TTLL6: variants seen among roughly 807,000 people sequenced by gnomAD.
The protein encoded by TTLL6 is tubulin polyglutamylase TTLL6.
TTLL6 carries 75 observed loss-of-function variants against 96.4 expected under a neutral mutation model. The ratio of observed to expected loss-of-function variants is 0.78; its 90% confidence interval spans 0.65 to 0.94. The LOEUF is 0.94. Ranked by LOEUF, TTLL6 falls within the 40% of genes least tolerant of loss-of-function variation. TTLL6 has a pLI of 0.00. For synonymous variants in TTLL6, 411 were observed against 419.4 expected, an observed-to-expected ratio of 0.98 and a Z score of 0.24; for missense variants, 1,030 against 1,093.0, an observed-to-expected ratio of 0.94 and a Z score of 0.81.
intron 13 of TTLL6, among the ~76,000 whole-genome samples, chr17:48,775,631 T>A (rs2038855321): frequency 6.6e-6 from 1 of 151,872 alleles, no homozygotes; most frequent in Non-Finnish European, 1.5e-5. Context: ...AATCTCTGCC[T>A]CCTGGGTTCA....
intron 15 of TTLL6, among the ~76,000 whole-genome samples, chr17:48,763,434 T>C (rs2038527298): frequency 6.6e-6 from 1 of 152,174 alleles, no homozygotes; most frequent in African/African-American, 2.4e-5. Context: ...TCACCATCAT[T>C]GCAGGTACCA....
chr17:48,773,911 C>T (rs542402172), intron 13 of TTLL6, among the ~76,000 whole-genome samples: 12 of 148,046 alleles, frequency 8.1e-5, no homozygotes, highest in African/African-American at 2.7e-4. Flanking sequence ...GGAGAAACCC[C>T]GTCTCTACTA....
intron 15 of TTLL6, among the ~76,000 whole-genome samples, chr17:48,766,590 G>A (rs978118433): frequency 2.0e-5 from 3 of 152,192 alleles, no homozygotes; most frequent in Admixed American, 2.0e-4. Context: ...CAGACTGGGT[G>A]TGGTGGCTCA....
At chr17:48,796,304 G>A (rs1377495885) in intron 7 of TTLL6, among the ~76,000 whole-genome samples, 158 bp from the exon 8 acceptor site, 2 of 152,140 alleles carry the variant, frequency 1.3e-5, no homozygotes, top group African/African-American at 2.4e-5. Context: ...GTAAGAAGGG[G>A]TGTCCTGCAG....
At chr17:48,810,123 G>A (rs1474749348) in intron 1 of TTLL6, among the ~76,000 whole-genome samples, 6 of 120,666 alleles carry the variant, frequency 5.0e-5, no homozygotes, top group African/African-American at 1.9e-4. Context: ...TGGACAACAA[G>A]AGCGAAACTC....
chr17:48,794,409 G>A, intron 8 of TTLL6: 2 of 1,424,242 alleles, frequency 1.4e-6, no homozygotes, highest in Middle Eastern at 1.8e-4. Context: ...TGAGGTGGCA[G>A]GGCAGGGCAG....
At position 48,787,835 on chromosome 17, in the gene TTLL6, GA is replaced by G; in HGVS notation, c.1564del (p.Ser522ProfsTer11). The G allele has an allele frequency of 6.2e-7, 1 of 1,614,130 alleles. No individual in the cohort carries two copies. Among genetic ancestry groups the G allele is most frequent in the Non-Finnish European group, 8.5e-7 (1 of 1,179,994 alleles). ...NNSLFQNTVA[S>X]RAREEYARQL... ...CCGGGCATACTCCTCCCGAGCCCTG[GA>G]AGCAACAGTATTCTGGAAGAGGGAG... On this transcript the variant is annotated frameshift_variant, in exon 11 of 16. Coordinates refer to ENST00000393382, the MANE Select transcript of TTLL6 (RefSeq NM_001130918.3). LOFTEE classifies it high-confidence loss of function.
At chr17:48,799,458 G>A (rs547177880) in intron 6 of TTLL6, 146 bp downstream of exon 6, 113 of 786,872 alleles carry the variant, frequency 1.4e-4, no homozygotes, top group Non-Finnish European at 2.1e-4. Context: ...CGGTCAGAAC[G>A]TTTGGTCTGA....
intron 1 of TTLL6, among the ~76,000 whole-genome samples, chr17:48,814,896 T>C (rs539335459): frequency 5.3e-5 from 8 of 152,250 alleles, no homozygotes; most frequent in Non-Finnish European, 8.8e-5. Flanking sequence ...TCTCCCGCCT[T>C]AGCTTCCCGG....
At chr17:48,803,487 A>G (rs11651974) in intron 3 of TTLL6, among the ~76,000 whole-genome samples, 6,844 of 151,528 alleles carry the variant, frequency 0.045, 188 homozygotes, top group South Asian at 0.15. Context: ...CCGTGTCAAA[A>G]AAAAAAACAA....
At chr17:48,795,125 T>C (rs569712679) in intron 8 of TTLL6, among the ~76,000 whole-genome samples, 1 of 152,158 alleles carries the variant, frequency 6.6e-6, no homozygotes, top group African/African-American at 2.4e-5. Context: ...GAAGAGATCA[T>C]GACCATCCTG....
chr17:48,788,308 C>T (rs1412404889), intron 10 of TTLL6, among the ~76,000 whole-genome samples: 1 of 152,236 alleles, frequency 6.6e-6, no homozygotes, highest in Non-Finnish European at 1.5e-5. Context: ...AGACTGTCGC[C>T]ACCTTCCCAT....
chr17:48,812,711 T>C (rs1228798611), intron 1 of TTLL6, among the ~76,000 whole-genome samples: 1 of 152,222 alleles, frequency 6.6e-6, no homozygotes, highest in South Asian at 2.1e-4. Context: ...CCTAGCAGTG[T>C]CTAGAAAAGA....
rs35763170 is a variant in TTLL6, at chr17:48,779,353, CAAAAAAAAAAA to C, written c.2040+5559_2040+5569del. ...TGGGCAACAGAGCAAGACTCTGTCT[CAAAAAAAAAAA>C]AAAAAAAAAAAAAAGACAGATAACG... On this transcript the variant is annotated intron_variant, in intron 13 of 15. Transcript: ENST00000393382. 4.3e-4 allele frequency among the ~76,000 whole-genome samples: 20 copies of C among 46,260 alleles called. No individual in the cohort carries two copies. In the East Asian group the frequency reaches 9.3e-3, roughly 21 times the overall value. The allele number at this position is 46,260 out of a possible 152,430, so 30.3% of individuals were successfully genotyped here. A position where few individuals can be genotyped will look rare whatever the true frequency, so the allele number is the denominator to read the frequency against.
intron 13 of TTLL6, among the ~76,000 whole-genome samples, chr17:48,775,968 T>G (rs894488642): frequency 2.0e-5 from 3 of 152,158 alleles, no homozygotes. Flanking sequence ...GATTGAATGT[T>G]TCCCCGCTAA....
In TTLL6 at chr17:48,810,831, A is replaced by G. The variant is rs1410270251; in HGVS notation, c.104-5840T>C. Reference sequence around the variant, plus strand: ...ACATATATAGTATGTGTGTGTATATATATATATATATATATATATATATAG... The same window carrying G: ...ACATATATAGTATGTGTGTGTATATGTATATATATATATATATATATATAG... On this transcript the variant is annotated intron_variant, in intron 1 of 15. Transcript: ENST00000393382. Among the ~76,000 whole-genome samples, 15 of 130,542 alleles carry G rather than the reference A, an allele frequency of 1.1e-4. 1 individual carries two copies. The highest frequency in any genetic ancestry group is 4.5e-4 in the East Asian group (2 of 4,486). 85.6% of individuals were successfully genotyped at this position (130,542 alleles called of 152,430 possible).
chr17:48,766,537 T>C (rs2038610075), intron 15 of TTLL6, among the ~76,000 whole-genome samples: 1 of 152,204 alleles, frequency 6.6e-6, no homozygotes, highest in Non-Finnish European at 1.5e-5. Flanking sequence ...AATACAAGTT[T>C]TCATTGTAAT....
rs1162772406 is a variant in TTLL6 at position 48,791,401 on chromosome 17, T to C, written c.1201A>G (p.Lys401Glu). 1 of 1,614,154 alleles carries C rather than the reference T, an allele frequency of 6.2e-7. No individual in the cohort carries two copies. Among genetic ancestry groups the C allele is most frequent in the South Asian group, 1.1e-5 (1 of 91,072 alleles). The change falls in exon 9 of 16, where the codon AAA (lysine) becomes GAA (glutamate). Residue 401 changes from lysine (K) to glutamate (E), a missense_variant. Lys to Glu is a moderately conservative substitution (Grantham distance 56, BLOSUM62 1). Transcript: ENST00000393382. ...ILGFDILLDH[K>E]LKPWLLEVNH... is the part of the protein sequence containing the mutation. Reference sequence around the variant, plus strand: ...ACCTCCAGCAGCCAGGGTTTGAGTTTGTGGTCCAACAAAATGTCAAAGCCC... The same window carrying C: ...ACCTCCAGCAGCCAGGGTTTGAGTTCGTGGTCCAACAAAATGTCAAAGCCC...
At chr17:48,773,373 T>C (rs2038790306) in intron 13 of TTLL6, among the ~76,000 whole-genome samples, 1 of 152,186 alleles carries the variant, frequency 6.6e-6, no homozygotes, top group African/African-American at 2.4e-5. Flanking sequence ...TAAATACAAA[T>C]AAAACCATAC....
Sources: gnomAD v4.1 joint callset for allele counts (sites outside exome capture counted in the v4.1 genomes callset) on GRCh38, gnomAD v4.1.1 for gene constraint, MANE v1.5 for transcripts, NCBI Gene and HGNC (gene_info 2026-07-23, HGNC 2026-07-21) for gene names.